CCNH: variants seen among roughly 807,000 people sequenced by gnomAD.
CCNH encodes the protein cyclin H.
Under a neutral mutation model 41.9 loss-of-function variants are expected in CCNH, and 31 were observed. The ratio of observed to expected loss-of-function variants is 0.74; its 90% CI spans 0.56 to 1.00. The LOEUF (loss-of-function observed/expected upper bound fraction) is 1.00. Among genes scored for constraint, CCNH ranks in the 50% least tolerant of loss-of-function variants. The probability of loss-of-function intolerance (pLI) is 0.00; values close to 1 mark genes in which losing one functional copy is unlikely to be tolerated. For missense variants in CCNH, 362 were observed against 388.4 expected (o/e 0.93, Z 0.57); for synonymous variants, 138 against 136.1 (o/e 1.01, Z -0.10).
chr5:87,363,507 A>G lies in CCNH; in HGVS notation c.*90+29263T>C. On this transcript the variant is annotated intron_variant and NMD_transcript_variant, in intron 9 of 9. Coordinates refer to the CCNH transcript ENST00000645953. Reference sequence around the variant, plus strand: ...GTTCATGATAGTCTCTTTGGCAGGTAAGAGACTGGTTTCCTATTTTTCTTT... The same window carrying G: ...GTTCATGATAGTCTCTTTGGCAGGTGAGAGACTGGTTTCCTATTTTTCTTT... 6.2e-7 allele frequency: 1 copy of G among 1,610,102 alleles called. No individual in the cohort carries two copies. Among genetic ancestry groups the G allele is most frequent in the African/African-American group, 1.3e-5 (1 of 74,918 alleles).
chr5:87,362,434 T>C lies in CCNH; in HGVS notation c.*90+30336A>G, dbSNP rs575580173. Reference sequence around the variant, plus strand: ...AAAGCAAAAGATCATTTATGTGTTATGTGTATCTAGATTTTAGTATTTTAA... The same window carrying C: ...AAAGCAAAAGATCATTTATGTGTTACGTGTATCTAGATTTTAGTATTTTAA... On this transcript the variant is annotated intron_variant and NMD_transcript_variant, in intron 9 of 9. Coordinates refer to the CCNH transcript ENST00000645953. 26 of 958,470 alleles carry C rather than the reference T, an allele frequency of 2.7e-5. No homozygotes were observed. In the South Asian group the frequency reaches 2.7e-4, roughly 10 times the overall value. The allele number at this position is 958,470 out of a possible 1,614,324, so 59.4% of individuals were successfully genotyped here.
At chr5:87,381,376 A>G (rs1299399501), upstream of CCNH, among the ~76,000 whole-genome samples, 3 of 152,144 alleles carry the variant, frequency 2.0e-5, no homozygotes, top group Non-Finnish European at 4.4e-5. Context: ...TACCCCAACT[A>G]ATTCCAGGCA....
chr5:87,335,735 A>T (rs1252799642), intron 9 of CCNH, among the ~76,000 whole-genome samples: 1 of 152,072 alleles, frequency 6.6e-6, no homozygotes, highest in Admixed American at 6.6e-5. Context: ...CAAGAATGAG[A>T]GGTTTTGATA....
intron 9 of CCNH, chr5:87,331,631 AT>A: frequency 2.9e-6 from 3 of 1,050,188 alleles, no homozygotes; most frequent in South Asian, 2.8e-5. Context: ...TTTCAGTCAA[AT>A]GATTTAATCA....
At chr5:87,389,294 G>A (rs1403658227), downstream of CCNH, 3 of 1,477,064 alleles carry the variant, frequency 2.0e-6, no homozygotes, top group East Asian at 7.2e-5. Context: ...TCATGCCATT[G>A]CATTTCAGCC....
intron 4 of CCNH, 28 bp downstream of exon 4, chr5:87,407,948 G>T: frequency 6.9e-6 from 10 of 1,457,640 alleles, no homozygotes; most frequent in Non-Finnish European, 9.6e-6. Context: ...GGAGAATGTA[G>T]TATTAGTTTA....
chr5:87,361,897 G>GA (rs34071210), intron 9 of CCNH, among the ~76,000 whole-genome samples: 2 of 151,878 alleles, frequency 1.3e-5, no homozygotes, highest in African/African-American at 4.8e-5. Context: ...AATTTACCTT[G>GA]AAAAAAGAGG....
At chr5:87,348,306 TTATATC>T in intron 9 of CCNH, among the ~76,000 whole-genome samples, 1 of 152,082 alleles carries the variant, frequency 6.6e-6, no homozygotes, top group Non-Finnish European at 1.5e-5. Context: ...ACCCCTCAAA[TTATATC>T]TAATAATCTA....
At chr5:87,386,915 G>C (rs369502267), downstream of CCNH, 16 of 1,602,696 alleles carry the variant, frequency 1.0e-5, no homozygotes, top group Middle Eastern at 2.0e-4. Flanking sequence ...TATGTATATA[G>C]TTTTCAGGTA....
chr5:87,330,173 A>G (rs112198973), intron 9 of CCNH, among the ~76,000 whole-genome samples: 4,865 of 152,264 alleles, frequency 0.032, 161 homozygotes, highest in African/African-American at 0.074. Flanking sequence ...GAAGAAAACT[A>G]AAAGTAATTC....
downstream of CCNH, chr5:87,374,150 T>A (rs757898803): frequency 1.8e-4 from 251 of 1,358,952 alleles, no homozygotes; most frequent in African/African-American, 7.6e-4. Flanking sequence ...TATATATATT[T>A]TTTTTTTTTT....
At chr5:87,412,430 C>G (rs2112588841) in intron 1 of CCNH, 1 of 1,357,404 alleles carries the variant, frequency 7.4e-7, no homozygotes, top group Admixed American at 3.1e-5. Flanking sequence ...TAGCACACTA[C>G]TTACTCTCTT....
chr5:87,338,536 A>ATATATATATATATTTTTTTTTT, intron 9 of CCNH, among the ~76,000 whole-genome samples: 3 of 85,216 alleles, frequency 3.5e-5, no homozygotes, highest in African/African-American at 1.3e-4. Flanking sequence ...TATATATAAA[A>ATATATATATATATTTTTTTTTT]TTTTTTTTTT....
At chr5:87,371,298 T>C (rs149871824), downstream of CCNH, among the ~76,000 whole-genome samples, 9 of 152,230 alleles carry the variant, frequency 5.9e-5, no homozygotes, top group East Asian at 1.7e-3. Flanking sequence ...AAAGCTATGG[T>C]AACTGATTTG....
intron 9 of CCNH, chr5:87,331,206 T>A: frequency 9.7e-7 from 1 of 1,030,054 alleles, no homozygotes; most frequent in Non-Finnish European, 1.5e-6. Context: ...GAGTTAAAAT[T>A]GGAATAACTG....
downstream of CCNH, chr5:87,389,637 TGA>T: frequency 7.1e-7 from 1 of 1,403,516 alleles, no homozygotes; most frequent in Non-Finnish European, 9.9e-7. Flanking sequence ...ATTAAATTTT[TGA>T]GACTCTGCAT....
At chr5:87,387,971 A>T (rs950350825), downstream of CCNH, among the ~76,000 whole-genome samples, 1 of 152,146 alleles carries the variant, frequency 6.6e-6, no homozygotes, top group African/African-American at 2.4e-5. Context: ...TAATACTACC[A>T]TATTTCTTCA....
intron 7 of CCNH, among the ~76,000 whole-genome samples, chr5:87,399,172 C>T (rs947652172): frequency 3.3e-5 from 5 of 152,110 alleles, no homozygotes; most frequent in African/African-American, 1.2e-4. Flanking sequence ...AGGACAGGGC[C>T]TGCAAGCCAA....
chr5:87,319,877 A>G (rs978748356), intron 9 of CCNH, among the ~76,000 whole-genome samples: 1 of 152,206 alleles, frequency 6.6e-6, no homozygotes, highest in Admixed American at 6.5e-5. Context: ...CCAAACTTTT[A>G]TGTTCTGCTT....
Sources: allele counts gnomAD v4.1 joint callset (sites outside exome capture counted in the v4.1 genomes callset), GRCh38; gene constraint gnomAD v4.1.1; transcripts MANE v1.5; gene names NCBI Gene and HGNC (gene_info 2026-07-23, HGNC 2026-07-21).